The following SYCE1 variants were observed in gnomAD, a reference collection of about 807,000 sequenced individuals.
SYCE1 encodes synaptonemal complex central element protein 1.
A neutral mutation model predicts 55.1 loss-of-function variants in SYCE1; 37 were observed. That is an observed-to-expected ratio of 0.67 (90% CI 0.52 to 0.88). The LOEUF is 0.88. SYCE1 is among the 40% of genes least tolerant of loss of function. The pLI is 0.00. For synonymous variants in SYCE1, 163 were observed against 159.4 expected, an observed-to-expected ratio of 1.02 and a Z score of -0.17; for missense variants, 399 against 416.4, an observed-to-expected ratio of 0.96 and a Z score of 0.36.
chr10:133,556,497 C>A, intron 8 of SYCE1: 1 of 561,028 alleles, frequency 1.8e-6, no homozygotes, highest in East Asian at 3.0e-5. Flanking sequence ...CTCGTTGTCT[C>A]CTTTGTGCCC....
chr10:133,567,048 T>C (rs896083088), upstream of SYCE1, among the ~76,000 whole-genome samples: 3 of 151,512 alleles, frequency 2.0e-5, no homozygotes, highest in Non-Finnish European at 2.9e-5. Flanking sequence ...AGGCATAGGT[T>C]CGAGTTTGGG....
At chr10:133,561,140 C>T (rs960289779) in intron 1 of SYCE1, 1 of 152,192 alleles carries the variant, frequency 6.6e-6, no homozygotes, top group Non-Finnish European at 1.5e-5. Flanking sequence ...ACCCTGGGCA[C>T]AGGTCATCAG....
upstream of SYCE1, chr10:133,568,184 G>T (rs548400424): frequency 1.3e-4 from 133 of 1,039,706 alleles, no homozygotes; most frequent in South Asian, 1.7e-3. Flanking sequence ...CGAAGTCCAC[G>T]TACAGTAGCT....
intron 5 of SYCE1, 44 bp from the exon 6 acceptor site, chr10:133,557,962 T>C (rs2987792): frequency 0.75 from 1,213,363 of 1,610,960 alleles, 467,552 homozygotes; most frequent in Non-Finnish European, 0.8. Context: ...TGTCAAGGTA[T>C]TGGGTTTTGG....
chr10:133,565,541 T>A lies in SYCE1; in HGVS notation c.-12A>T, dbSNP rs1353883069. ...GACCTCCCCGCCATTTCCTCTCAGC[T>A]CGCCAGCGAGGGTGCCTCGGGAGGG... On this transcript the variant is annotated 5_prime_UTR_variant, in exon 1 of 13. Transcript: ENST00000343131. 6.5e-7 allele frequency: 1 copy of A among 1,549,028 alleles called. No homozygotes were observed.
chr10:133,564,301 C>A (rs1039364542), intron 1 of SYCE1: 6 of 821,992 alleles, frequency 7.3e-6, no homozygotes, highest in African/African-American at 1.9e-5. Context: ...CTGAATTGCA[C>A]CTTGATCTTG....
chr10:133,556,974 G>A (rs934508373), intron 7 of SYCE1, 93 bp downstream of exon 7: 2 of 1,481,954 alleles, frequency 1.3e-6, no homozygotes, highest in Admixed American at 1.7e-5. Context: ...AATCTCCATG[G>A]CTCAGTGTAG....
At chr10:133,568,018 G>A (rs1287056004), upstream of SYCE1, 1 of 607,116 alleles carries the variant, frequency 1.6e-6, no homozygotes, top group Non-Finnish European at 3.1e-6. Context: ...AGGGAGGAAG[G>A]GGGAGCCCAG....
intron 8 of SYCE1, 88 bp from the exon 9 acceptor site, chr10:133,556,135 T>C: frequency 6.9e-7 from 1 of 1,450,552 alleles, no homozygotes. Flanking sequence ...TCATACTTAC[T>C]CACTATGCCT....
intron 1 of SYCE1, among the ~76,000 whole-genome samples, chr10:133,563,996 CT>C (rs1851871131): frequency 6.7e-6 from 1 of 149,580 alleles, no homozygotes. Flanking sequence ...TCCCTGCTTC[CT>C]TTTTAAAACA....
upstream of SYCE1, among the ~76,000 whole-genome samples, chr10:133,566,816 C>G (rs1851950026): frequency 7.2e-6 from 1 of 138,992 alleles, no homozygotes; most frequent in African/African-American, 2.7e-5. Flanking sequence ...TTAGGAGTTA[C>G]AGTTGGGTTA....
rs369926628 is a variant in SYCE1, at chr10:133,557,852, G to A, written c.374+12C>T. ...AGGTAGTGCAGAGTTAGGCTCAGCT[G>A]GAAGCTCTTACCTGTGTGCCTCACT... is the stretch of plus-strand genomic sequence containing the variant. On this transcript the variant is annotated intron_variant, in intron 6 of 12. Coordinates refer to ENST00000343131, the MANE Select transcript of SYCE1 (RefSeq NM_001143764.3). 48 of 1,613,918 alleles carry A rather than the reference G, an allele frequency of 3.0e-5. No homozygotes were observed. Among genetic ancestry groups the A allele is most frequent in the Non-Finnish European group, 3.8e-5 (45 of 1,179,988 alleles).
At chr10:133,564,830 A>C (rs73389008) in intron 1 of SYCE1, among the ~76,000 whole-genome samples, 4,029 of 152,238 alleles carry the variant, frequency 0.026, 168 homozygotes, top group African/African-American at 0.092. Context: ...CAGTGTCCTG[A>C]AGTGGAAACG....
chr10:133,567,801 A>G (rs1851983425), upstream of SYCE1: 9 of 352,010 alleles, frequency 2.6e-5, no homozygotes, highest in Non-Finnish European at 4.6e-5. Context: ...CAGGAGCCAC[A>G]GGCCACTGCC....
In SYCE1 at chr10:133,555,298, G is replaced by A. The variant is rs9629999; in HGVS notation, c.918+53C>T. The A allele has an allele frequency of 2.5e-3, 3,972 of 1,606,760 alleles. No homozygotes were observed. In the African/African-American group the frequency reaches 0.046, roughly 18 times the overall value. On this transcript the variant is annotated intron_variant, in intron 12 of 12. Coordinates refer to ENST00000343131, the MANE Select transcript of SYCE1 (RefSeq NM_001143764.3). Reference sequence around the variant, plus strand: ...CCTCCCTTGTCCTCCCGCCCCTTCCGCTGTCCCTTCAGTAGCTGTTTCTGT... The same window carrying A: ...CCTCCCTTGTCCTCCCGCCCCTTCCACTGTCCCTTCAGTAGCTGTTTCTGT...
chr10:133,558,754 G>C, intron 4 of SYCE1, 123 bp downstream of exon 4: 1 of 909,778 alleles, frequency 1.1e-6, no homozygotes, highest in Non-Finnish European at 1.7e-6. Flanking sequence ...AGATTGGCAG[G>C]ACATGAGGCT....
At chr10:133,556,876 A>G in intron 7 of SYCE1, 54 bp from the exon 8 acceptor site, 4 of 1,600,464 alleles carry the variant, frequency 2.5e-6, no homozygotes, top group Non-Finnish European at 3.4e-6. Context: ...CCACCTTCAC[A>G]GCCTGTCCAA....
At position 133,555,653 on chromosome 10, in the gene SYCE1, G is replaced by A. The variant is rs1389983722; in HGVS notation, c.774C>T (p.Ala258=). 3.1e-6 allele frequency: 5 copies of A among 1,604,764 alleles called. No individual in the cohort carries two copies. In the South Asian group the frequency reaches 3.3e-5, roughly 11 times the overall value. ...TCTGCTGCAGCTGCTGGTGGCGCTG[G>A]GCAGCAGCTGCTAGGAGCTCCTCAG... The part of the protein sequence containing the change: ...RKAEELLAAA[A]QRHQQLQQKC... Residue 258 remains alanine (A), a synonymous_variant, in exon 11 of 13, where the codon GCC becomes GCT. Coordinates refer to ENST00000343131, the MANE Select transcript of SYCE1 (RefSeq NM_001143764.3).
chr10:133,559,175 G>A, intron 3 of SYCE1, 126 bp downstream of exon 3: 1 of 1,095,802 alleles, frequency 9.1e-7, no homozygotes, highest in Non-Finnish European at 1.4e-6. Flanking sequence ...CTTAATTTAA[G>A]GCTCTGCTGT....
Sources: gnomAD v4.1 joint callset for allele counts (sites outside exome capture counted in the v4.1 genomes callset) on GRCh38, gnomAD v4.1.1 for gene constraint, MANE v1.5 for transcripts, NCBI Gene and HGNC (gene_info 2026-07-23, HGNC 2026-07-21) for gene names.